CRPPA: variants seen among roughly 807,000 people sequenced by gnomAD.
The protein encoded by CRPPA is D-ribitol-5-phosphate cytidylyltransferase.
In CRPPA, 43 loss-of-function variants were observed where a neutral mutation model predicts 52.0. The observed-to-expected ratio is 0.83, with a 90% CI of 0.65 to 1.07. The LOEUF (loss-of-function observed/expected upper bound fraction) is 1.07, where lower values mean the gene tolerates loss of function less well. Ranked by LOEUF, CRPPA falls within the 50% of genes least tolerant of loss-of-function variation. CRPPA has a pLI of 0.00. For synonymous variants in CRPPA, 250 were observed against 203.5 expected, an observed-to-expected ratio of 1.23 and a Z score of -1.94; for missense variants, 629 against 551.7, an observed-to-expected ratio of 1.14 and a Z score of -1.40.
intron 6 of CRPPA, among the ~76,000 whole-genome samples, chr7:16,265,964 G>C (rs993701833): frequency 2.0e-5 from 3 of 152,124 alleles, no homozygotes; most frequent in Non-Finnish European, 4.4e-5. Context: ...AACCTCTAAA[G>C]CACACTGGAC....
chr7:16,103,221 G>T (rs147213658), intron 9 of CRPPA, among the ~76,000 whole-genome samples: 4 of 152,090 alleles, frequency 2.6e-5, no homozygotes, highest in African/African-American at 7.2e-5. Flanking sequence ...ACAAAACACC[G>T]CATGTTCTCA....
At chr7:16,408,286 G>A (rs956730871) in intron 1 of CRPPA, among the ~76,000 whole-genome samples, 1 of 152,146 alleles carries the variant, frequency 6.6e-6, no homozygotes, top group African/African-American at 2.4e-5. Flanking sequence ...CAGTCTGGAG[G>A]AGACTTTGGG....
chr7:16,276,875 G>A (rs936019073), intron 6 of CRPPA: 1 of 152,114 alleles, frequency 6.6e-6, no homozygotes, highest in Non-Finnish European at 1.5e-5. Context: ...AGATTCTTTA[G>A]AAAGGAGGAG....
chr7:16,357,863 G>A (rs1201537102), intron 3 of CRPPA, among the ~76,000 whole-genome samples: 1 of 152,196 alleles, frequency 6.6e-6, no homozygotes, highest in East Asian at 1.9e-4. Flanking sequence ...TGGCAGGGAA[G>A]TTTCATGGCT....
At chr7:16,222,060 T>A (rs1408485226) in intron 8 of CRPPA, among the ~76,000 whole-genome samples, 1 of 149,622 alleles carries the variant, frequency 6.7e-6, no homozygotes, top group Non-Finnish European at 1.5e-5. Flanking sequence ...TGTCCAACAA[T>A]GATAGACTGG....
At chr7:16,417,406 G>A (rs1055828341) in intron 1 of CRPPA, among the ~76,000 whole-genome samples, 1 of 152,170 alleles carries the variant, frequency 6.6e-6, no homozygotes, top group Non-Finnish European at 1.5e-5. Flanking sequence ...CCCATCAATG[G>A]TGGATTGGAT....
At chr7:16,395,660 T>C (rs1376241994) in intron 2 of CRPPA, among the ~76,000 whole-genome samples, 2 of 152,206 alleles carry the variant, frequency 1.3e-5, no homozygotes, top group East Asian at 1.9e-4. Context: ...TAAAAGTGGA[T>C]ATGCAGCAAA....
intron 5 of CRPPA, among the ~76,000 whole-genome samples, chr7:16,278,786 T>G (rs552454195): frequency 3.3e-5 from 5 of 152,208 alleles, no homozygotes; most frequent in Admixed American, 6.5e-5. Context: ...TCTGGAAGAC[T>G]TGAGATGGTC....
chr7:16,105,831 T>G (rs1288487467), intron 9 of CRPPA, among the ~76,000 whole-genome samples: 2 of 152,102 alleles, frequency 1.3e-5, no homozygotes, highest in African/African-American at 4.8e-5. Context: ...GAGGCTAAAT[T>G]GGCTTGACCC....
intron 6 of CRPPA, chr7:16,268,760 A>C (rs1269772353): frequency 6.6e-6 from 1 of 152,152 alleles, no homozygotes; most frequent in Non-Finnish European, 1.5e-5. Flanking sequence ...TACAGAATAC[A>C]TTTTAAAAAT....
chr7:16,140,018 A>T (rs1014215328), intron 9 of CRPPA, among the ~76,000 whole-genome samples: 5 of 151,894 alleles, frequency 3.3e-5, no homozygotes, highest in African/African-American at 9.7e-5. Context: ...TATTTCTGTT[A>T]AAAAAAAGTC....
intron 9 of CRPPA, among the ~76,000 whole-genome samples, chr7:16,196,506 C>T (rs898957440): frequency 1.3e-5 from 2 of 152,124 alleles, no homozygotes; most frequent in Admixed American, 6.5e-5. Flanking sequence ...AGGTTATCTT[C>T]GGCTAGGATG....
intron 3 of CRPPA, among the ~76,000 whole-genome samples, chr7:16,360,949 G>A (rs950495800): frequency 6.6e-6 from 1 of 152,116 alleles, no homozygotes; most frequent in East Asian, 1.9e-4. Flanking sequence ...GAATAGAAGA[G>A]AATATGTATA....
At chr7:16,219,835 T>A (rs1046179887) in intron 8 of CRPPA, among the ~76,000 whole-genome samples, 7 of 150,388 alleles carry the variant, frequency 4.7e-5, no homozygotes, top group African/African-American at 1.7e-4. Context: ...CAGGACCAGA[T>A]GGATTCACAG....
intron 3 of CRPPA, among the ~76,000 whole-genome samples, chr7:16,351,448 G>T (rs1026852925): frequency 1.3e-5 from 2 of 152,142 alleles, no homozygotes; most frequent in South Asian, 2.1e-4. Context: ...CACAGCAAAA[G>T]AAATTATCAT....
At chr7:16,372,204 G>A (rs185391305) in intron 3 of CRPPA, among the ~76,000 whole-genome samples, 39 of 152,138 alleles carry the variant, frequency 2.6e-4, no homozygotes, top group Middle Eastern at 3.4e-3. Context: ...AAAACTCCTG[G>A]GAAATTCATT....
At chr7:16,092,053 A>T (rs1562498855) in intron 9 of CRPPA, among the ~76,000 whole-genome samples, 1 of 152,222 alleles carries the variant, frequency 6.6e-6, no homozygotes, top group Non-Finnish European at 1.5e-5. Context: ...TGCTAACAGA[A>T]AGAAAAGATT....
rs566951082 is a variant in CRPPA at position 16,122,043 on chromosome 7, C to T, written c.1252-30244G>A. The stretch of plus-strand genomic sequence containing the variant: ...GAAAATACAAATAAGCAGCACATTA[C>T]AAATCTCCTGTGGCACCCTGGAAAC... On this transcript the variant is annotated intron_variant, in intron 9 of 9. Coordinates refer to ENST00000407010, the MANE Select transcript of CRPPA (RefSeq NM_001101426.4). Among the ~76,000 whole-genome samples the T allele has an allele frequency of 3.3e-5, 5 of 152,142 alleles. No homozygotes were observed. The South Asian group carries it at 1.0e-3, about 32-fold the overall frequency.
intron 8 of CRPPA, among the ~76,000 whole-genome samples, chr7:16,233,068 T>C (rs1782850122): frequency 6.6e-6 from 1 of 151,826 alleles, no homozygotes; most frequent in Admixed American, 6.6e-5. Context: ...CCACTAGAAA[T>C]AATTAACAGA....
Sources: allele counts gnomAD v4.1 joint callset (sites outside exome capture counted in the v4.1 genomes callset), GRCh38; gene constraint gnomAD v4.1.1; transcripts MANE v1.5; gene names NCBI Gene and HGNC (gene_info 2026-07-23, HGNC 2026-07-21).